VPS13D: variants seen among roughly 807,000 people sequenced by gnomAD.
The protein encoded by VPS13D is intermembrane lipid transfer protein VPS13D.
Under a neutral mutation model 461.9 loss-of-function variants are expected in VPS13D, and 187 were observed. The observed-to-expected ratio is 0.40, with a 90% CI of 0.36 to 0.46. VPS13D has a LOEUF of 0.46. VPS13D is among the 20% of genes least tolerant of loss of function. VPS13D has a pLI of 0.60. For missense variants in VPS13D, 4,711 were observed against 5,364.9 expected, an observed-to-expected ratio of 0.88 and a Z score of 3.81; for synonymous variants, 1,951 against 1,986.3, an observed-to-expected ratio of 0.98 and a Z score of 0.47.
chr1:12,300,603 T>C (rs565366941), intron 25 of VPS13D, among the ~76,000 whole-genome samples: 2 of 152,358 alleles, frequency 1.3e-5, no homozygotes, highest in Admixed American at 6.5e-5. Flanking sequence ...TTCTTTTTTA[T>C]GGCTGTGACT....
chr1:12,356,473 G>T lies in VPS13D; in HGVS notation c.9947G>T (p.Arg3316Leu). The T allele has an allele frequency of 1.2e-6, 2 of 1,614,050 alleles. No individual in the cohort carries two copies. Among genetic ancestry groups the T allele is most frequent in the Non-Finnish European group, 1.7e-6 (2 of 1,179,998 alleles). Residue 3316 changes from arginine (R) to leucine (L), a missense_variant, in exon 49 of 70, where the codon CGT (arginine) becomes CTT (leucine). By Grantham distance (102) the Arg-to-Leu change is moderately radical. This residue lies in a region of VPS13D where 4,411 missense variants were observed against 4,937.8 expected (regional missense o/e 0.89). Coordinates refer to ENST00000620676, the MANE Select transcript of VPS13D (RefSeq NM_015378.4). Reference protein sequence around the residue: ...AGQFEEHELARSLSPLLFCYA... With the variant: ...AGQFEEHELALSLSPLLFCYA... ...CAGTTTGAGGAGCATGAGCTGGCCC[G>T]TAGCCTGAGTCCTCTCTTATTCTGC...
chr1:12,466,654 C>T lies in VPS13D; in HGVS notation c.12662+6258C>T, dbSNP rs537067961. ...AGATGAGTCCGGTACGCTGTAGTAG[C>T]ATCCATATAGAGGCATGTATATGGT... On this transcript the variant is annotated intron_variant, in intron 67 of 69. Coordinates refer to ENST00000620676, the MANE Select transcript of VPS13D (RefSeq NM_015378.4). 1.6e-3 allele frequency among the ~76,000 whole-genome samples: 250 copies of T among 152,312 alleles called. 4 individuals carry two copies. The highest frequency in any genetic ancestry group is 5.8e-3 in the African/African-American group (242 of 41,564).
intron 67 of VPS13D, among the ~76,000 whole-genome samples, chr1:12,469,311 A>C (rs1248395161): frequency 1.3e-5 from 2 of 152,220 alleles, no homozygotes; most frequent in African/African-American, 4.8e-5. Context: ...AACAATTTTT[A>C]TAATAGTATT....
chr1:12,359,854 T>C (rs540093407), intron 50 of VPS13D, among the ~76,000 whole-genome samples: 2 of 152,382 alleles, frequency 1.3e-5, no homozygotes, highest in South Asian at 4.1e-4. Context: ...GTTCTCACTT[T>C]CGTTTGCTCC....
chr1:12,308,237 T>C (rs1642624576), intron 26 of VPS13D, among the ~76,000 whole-genome samples, 194 bp from the exon 27 acceptor site: 1 of 152,070 alleles, frequency 6.6e-6, no homozygotes, highest in Non-Finnish European at 1.5e-5. Context: ...ACATGGAGCT[T>C]TGCATAAGGA....
At chr1:12,291,452 C>T (rs968232709) in intron 23 of VPS13D, among the ~76,000 whole-genome samples, 1 of 152,104 alleles carries the variant, frequency 6.6e-6, no homozygotes, top group Admixed American at 6.5e-5. Flanking sequence ...AACATAGACA[C>T]TGTCTCTATA....
intron 68 of VPS13D, among the ~76,000 whole-genome samples, chr1:12,503,874 C>T (rs1444755079): frequency 6.6e-6 from 1 of 152,172 alleles, no homozygotes; most frequent in African/African-American, 2.4e-5. Flanking sequence ...AGTGTGAGCA[C>T]TCAAGGAACC....
At chr1:12,243,497 A>G (rs1289514657) in intron 3 of VPS13D, among the ~76,000 whole-genome samples, 1 of 152,148 alleles carries the variant, frequency 6.6e-6, no homozygotes, top group Non-Finnish European at 1.5e-5. Flanking sequence ...TGTCATTAAA[A>G]ATACCATTGT....
intron 53 of VPS13D, among the ~76,000 whole-genome samples, chr1:12,369,055 C>T (rs1644078928): frequency 6.6e-6 from 1 of 152,178 alleles, no homozygotes; most frequent in Non-Finnish European, 1.5e-5. Context: ...ATGTGATGAT[C>T]TGTAGCCAAA....
intron 60 of VPS13D, 131 bp from the exon 61 acceptor site, chr1:12,400,050 G>T: frequency 1.0e-6 from 1 of 973,186 alleles, no homozygotes. Flanking sequence ...AACTGCTATT[G>T]AGATCGAGTG....
chr1:12,416,760 TAA>T lies in VPS13D; in HGVS notation c.12269_12270del (p.Lys4090IlefsTer54). On this transcript the variant is annotated frameshift_variant, in exon 65 of 70. Transcript: ENST00000620676. LOFTEE classifies it high-confidence loss of function. ...GTTTCTGAAGGGGTTACTGGACTGA[TAA>T]AATATGGAAATGTCGGGGGCCTCAT... 1 of 1,614,028 alleles carries T rather than the reference TAA, an allele frequency of 6.2e-7. No individual in the cohort carries two copies. The highest frequency in any genetic ancestry group is 8.5e-7 in the Non-Finnish European group (1 of 1,179,992).
At chr1:12,371,100 T>A (rs1013049150) in intron 54 of VPS13D, among the ~76,000 whole-genome samples, 3 of 152,186 alleles carry the variant, frequency 2.0e-5, no homozygotes, top group South Asian at 2.1e-4. Context: ...AAGTGAACAG[T>A]TCAGTGGCAT....
chr1:12,241,043 C>T (rs778172570), intron 2 of VPS13D, among the ~76,000 whole-genome samples: 5 of 151,980 alleles, frequency 3.3e-5, no homozygotes, highest in Non-Finnish European at 5.9e-5. Flanking sequence ...TGGGCTCAAG[C>T]GATCCTCCTG....
At chr1:12,465,251 T>G (rs146651209) in intron 67 of VPS13D, 30 of 152,322 alleles carry the variant, frequency 2.0e-4, no homozygotes, top group African/African-American at 7.0e-4. Flanking sequence ...ACATTTTAGG[T>G]AAGTAGCAGA....
chr1:12,277,437 T>C lies in VPS13D; in HGVS notation c.3849T>C (p.Phe1283=), dbSNP rs1191870913. The change falls in exon 19 of 70, where the codon TTT becomes TTC. Residue 1283 remains phenylalanine, a synonymous_variant. Coordinates refer to ENST00000620676, the MANE Select transcript of VPS13D (RefSeq NM_015378.4). ...TTGAGAGATCTAAACAGGAGTGTTT[T>C]CTCAACCTGAAGATGGCTTCTTTAC... is the stretch of plus-strand genomic sequence containing the variant. ...TFVERSKQEC[F]LNLKMASLHY... is the part of the protein sequence containing the mutation. 3.7e-6 allele frequency: 6 copies of C among 1,614,110 alleles called. No individual in the cohort carries two copies. In the South Asian group the frequency reaches 5.5e-5, roughly 15 times the overall value.
In VPS13D at chr1:12,505,176, C is replaced by T. The variant is rs1317141694; in HGVS notation, c.12795-1677C>T. On this transcript the variant is annotated intron_variant, in intron 68 of 69. Coordinates refer to ENST00000620676, the MANE Select transcript of VPS13D (RefSeq NM_015378.4). The surrounding 1 kb of genome is among the most constrained non-coding windows in gnomAD (Gnocchi z 4.2). Reference sequence around the variant, plus strand: ...TCCGGGTCTCATCTCAGATCCCCGCCAGTTCTGGCTGGCGCTGTGTCACCT... The same window carrying T: ...TCCGGGTCTCATCTCAGATCCCCGCTAGTTCTGGCTGGCGCTGTGTCACCT... 6.6e-6 allele frequency among the ~76,000 whole-genome samples: 1 copy of T among 152,206 alleles called. No individual in the cohort carries two copies. The highest frequency in any genetic ancestry group is 1.5e-5 in the Non-Finnish European group (1 of 68,038).
At chr1:12,415,253 G>C (rs766682068) in intron 64 of VPS13D, 32 bp downstream of exon 64, 1 of 1,613,270 alleles carries the variant, frequency 6.2e-7, no homozygotes, top group Non-Finnish European at 8.5e-7. Context: ...ATTGGCTGGA[G>C]CATAAGCAGA....
Position 12,244,372 on chromosome 1 carries a change from A to T in VPS13D, c.302A>T (p.Lys101Met). The T allele has an allele frequency of 6.2e-7, 1 of 1,614,200 alleles. No homozygotes were observed. Among genetic ancestry groups the T allele is most frequent in the Non-Finnish European group, 8.5e-7 (1 of 1,180,048 alleles). Residue 101 changes from lysine (K) to methionine (M), a missense_variant, in exon 4 of 70, where the codon AAG (lysine) becomes ATG (methionine). Physicochemically the swap from Lys to Met is moderately conservative, Grantham distance 95. Transcript: ENST00000620676. ...AAAATACAGGATTTCAATGATGAAA[A>T]GGAGAAGCTGTTGGAAAGGGAACGT... is the stretch of plus-strand genomic sequence containing the variant. ...PEKIQDFNDEKEKLLERERKK... is the reference protein window; with the variant it reads ...PEKIQDFNDEMEKLLERERKK...
At chr1:12,230,286 T>C (rs1054694823) in intron 1 of VPS13D, among the ~76,000 whole-genome samples, 166 bp downstream of exon 1, 1 of 152,084 alleles carries the variant, frequency 6.6e-6, no homozygotes, top group South Asian at 2.1e-4. Context: ...GGCCTCGGTC[T>C]GAGCCCCTCG....
Sources: gnomAD v4.1 joint callset for allele counts (sites outside exome capture counted in the v4.1 genomes callset) on GRCh38, gnomAD v4.1.1 for gene constraint, gnomAD v4.1.1 regional missense constraint, Gnocchi (gnomAD v3.1) non-coding constraint, MANE v1.5 for transcripts, NCBI Gene and HGNC (gene_info 2026-07-23, HGNC 2026-07-21) for gene names.